The following ELOVL2 variants were observed in gnomAD, a reference collection of about 807,000 sequenced individuals.
The protein encoded by ELOVL2 is very long chain fatty acid elongase 2.
In ELOVL2, 38 loss-of-function variants were observed where a neutral mutation model predicts 37.7. The observed-to-expected ratio is 1.01, with a 90% CI of 0.78 to 1.32. The LOEUF (loss-of-function observed/expected upper bound fraction) is 1.32, where lower values mean the gene tolerates loss of function less well. Among genes scored for constraint, ELOVL2 ranks in the 40% most tolerant of loss-of-function variants. The pLI is 0.00. For missense variants in ELOVL2, 352 were observed against 363.6 expected (o/e 0.97, Z 0.26); for synonymous variants, 115 against 122.3 (o/e 0.94, Z 0.40).
intron 1 of ELOVL2, among the ~76,000 whole-genome samples, chr6:11,039,093 G>A (rs951462735): frequency 1.6e-4 from 24 of 152,336 alleles, no homozygotes; most frequent in African/African-American, 5.8e-4. Flanking sequence ...CTCTCTGGGG[G>A]AAAGATGTAT....
intron 1 of ELOVL2, among the ~76,000 whole-genome samples, chr6:11,035,117 C>T (rs1172776006): frequency 2.0e-5 from 3 of 152,186 alleles, no homozygotes; most frequent in African/African-American, 7.2e-5. Context: ...GTATAGTGTT[C>T]CATAAATATA....
intron 1 of ELOVL2, among the ~76,000 whole-genome samples, chr6:11,017,009 G>A (rs1168397630): frequency 6.6e-6 from 1 of 152,058 alleles, no homozygotes; most frequent in African/African-American, 2.4e-5. Context: ...GGAGGGTGAG[G>A]GTAGGCAATG....
intron 7 of ELOVL2, among the ~76,000 whole-genome samples, chr6:10,986,634 T>C (rs1782058335): frequency 1.3e-5 from 2 of 152,194 alleles, no homozygotes; most frequent in African/African-American, 4.8e-5. Context: ...TGGTTCTGTT[T>C]ATATGCTGGA....
chr6:11,024,118 T>A (rs2113545612), intron 1 of ELOVL2, among the ~76,000 whole-genome samples: 1 of 152,336 alleles, frequency 6.6e-6, no homozygotes, highest in East Asian at 1.9e-4. Context: ...AAGAGTATTA[T>A]CTATTTTACA....
chr6:10,990,515 C>G, intron 5 of ELOVL2, 73 bp from the exon 6 acceptor site: 1 of 1,423,592 alleles, frequency 7.0e-7, no homozygotes, highest in South Asian at 1.5e-5. Flanking sequence ...AAGTGAGATT[C>G]TCTCTCTGCA....
intron 6 of ELOVL2, among the ~76,000 whole-genome samples, chr6:10,990,045 C>T (rs563440435): frequency 6.6e-6 from 1 of 152,270 alleles, no homozygotes; most frequent in Non-Finnish European, 1.5e-5. Flanking sequence ...ATGGAAAAGT[C>T]GCAGTTAAAA....
chr6:11,026,007 G>A (rs1011808970), intron 1 of ELOVL2, among the ~76,000 whole-genome samples: 5 of 152,206 alleles, frequency 3.3e-5, no homozygotes, highest in African/African-American at 9.7e-5. Flanking sequence ...TCTGGGTAGC[G>A]AAGTGGGGTG....
At chr6:10,999,691 C>A (rs1260655492) in intron 4 of ELOVL2, among the ~76,000 whole-genome samples, 3 of 152,134 alleles carry the variant, frequency 2.0e-5, no homozygotes, top group Non-Finnish European at 4.4e-5. Flanking sequence ...TTTTTATTAG[C>A]TTTTAGTTTA....
intron 4 of ELOVL2, 41 bp downstream of exon 4, chr6:11,000,046 G>A (rs765817001): frequency 2.5e-6 from 4 of 1,579,146 alleles, no homozygotes; most frequent in Non-Finnish European, 3.5e-6. Flanking sequence ...CTTGTCAATG[G>A]GAACTGGTTA....
chr6:11,044,160 C>T lies in ELOVL2; in HGVS notation c.3+68G>A. 7.0e-7 allele frequency: 1 copy of T among 1,432,310 alleles called. No homozygotes were observed. The highest frequency in any genetic ancestry group is 2.6e-4 in the Middle Eastern group (1 of 3,884). 88.7% of individuals were successfully genotyped at this position (1,432,310 alleles called of 1,614,324 possible). Reference sequence around the variant, plus strand: ...CCGGCGCCCGCTCGGCCCTTTCCCGCCCGGTGCGTGGGTCCAGGAGAGAAA... The same window carrying T: ...CCGGCGCCCGCTCGGCCCTTTCCCGTCCGGTGCGTGGGTCCAGGAGAGAAA... On this transcript the variant is annotated intron_variant, in intron 1 of 7. Transcript: ENST00000354666. The surrounding 1 kb of genome is among the most constrained non-coding windows in gnomAD (Gnocchi z 5.6).
chr6:11,016,118 T>A (rs1782680979), intron 1 of ELOVL2, among the ~76,000 whole-genome samples: 1 of 152,090 alleles, frequency 6.6e-6, no homozygotes, highest in South Asian at 2.1e-4. Flanking sequence ...CTTTCTTTCT[T>A]CTCTTCCTTT....
At chr6:11,041,376 A>C (rs1311442279) in intron 1 of ELOVL2, among the ~76,000 whole-genome samples, 1 of 152,258 alleles carries the variant, frequency 6.6e-6, no homozygotes, top group African/African-American at 2.4e-5. Flanking sequence ...GTTTTGAAGG[A>C]AACTAGATTA....
intron 4 of ELOVL2, among the ~76,000 whole-genome samples, chr6:10,996,228 G>C (rs1021886566): frequency 2.6e-5 from 4 of 152,106 alleles, no homozygotes; most frequent in African/African-American, 9.7e-5. Flanking sequence ...AGGTACGGCC[G>C]CAACCGTCTT....
chr6:11,002,121 G>A (rs1782398124), intron 3 of ELOVL2, among the ~76,000 whole-genome samples: 1 of 152,154 alleles, frequency 6.6e-6, no homozygotes, highest in South Asian at 2.1e-4. Flanking sequence ...CACTTAGAGT[G>A]CAAGCCAAAT....
intron 1 of ELOVL2, among the ~76,000 whole-genome samples, chr6:11,042,690 T>C (rs557635098): frequency 2.6e-5 from 4 of 152,070 alleles, no homozygotes; most frequent in South Asian, 4.2e-4. Flanking sequence ...AGACTCGTCA[T>C]TGAAGGCTGC....
chr6:11,020,166 A>C (rs1310478431), intron 1 of ELOVL2, among the ~76,000 whole-genome samples: 3 of 141,918 alleles, frequency 2.1e-5, no homozygotes, highest in Non-Finnish European at 4.5e-5. Flanking sequence ...AAGTTGTACA[A>C]GTTCCTCCTT....
intron 1 of ELOVL2, among the ~76,000 whole-genome samples, chr6:11,027,527 G>C (rs372859349): frequency 6.6e-6 from 1 of 152,166 alleles, no homozygotes; most frequent in Non-Finnish European, 1.5e-5. Flanking sequence ...CTTGTTTTTA[G>C]AAAGTCCTAC....
intron 1 of ELOVL2, among the ~76,000 whole-genome samples, chr6:11,036,806 G>C (rs1428443259): frequency 5.3e-5 from 8 of 152,162 alleles, no homozygotes; most frequent in Non-Finnish European, 4.4e-5. Flanking sequence ...AGACAAAATA[G>C]AACATCAGTT....
intron 7 of ELOVL2, among the ~76,000 whole-genome samples, chr6:10,987,071 G>C (rs1782064977): frequency 6.6e-6 from 1 of 152,206 alleles, no homozygotes; most frequent in African/African-American, 2.4e-5. Flanking sequence ...TCCTGGTTTA[G>C]TCTTGGGAGG....
Sources: gnomAD v4.1 joint callset for allele counts (sites outside exome capture counted in the v4.1 genomes callset) on GRCh38, gnomAD v4.1.1 for gene constraint, Gnocchi (gnomAD v3.1) non-coding constraint, MANE v1.5 for transcripts, NCBI Gene and HGNC (gene_info 2026-07-23, HGNC 2026-07-21) for gene names.